The following ATG4D variants were observed in gnomAD, a reference collection of about 807,000 sequenced individuals.
ATG4D encodes the protein cysteine protease ATG4D.
Under a neutral mutation model 55.2 loss-of-function variants are expected in ATG4D, and 51 were observed. The observed-to-expected ratio is 0.92, with a 90% CI of 0.74 to 1.17. The LOEUF (loss-of-function observed/expected upper bound fraction) is 1.17. ATG4D is among the 50% of genes most tolerant of loss of function. ATG4D has a pLI of 0.00. For missense variants in ATG4D, 635 were observed against 649.6 expected, an observed-to-expected ratio of 0.98 and a Z score of 0.25; for synonymous variants, 268 against 266.2, an observed-to-expected ratio of 1.01 and a Z score of -0.07.
chr19:10,547,605 G>T (rs1326041210), intron 5 of ATG4D, among the ~76,000 whole-genome samples: 1 of 146,222 alleles, frequency 6.8e-6, no homozygotes, highest in Non-Finnish European at 1.5e-5. Context: ...TCCAGCCTGG[G>T]CGACAGAGTA....
rs148200963 is a variant in ATG4D, at chr19:10,552,103, G to A, written c.1104G>A (p.Gln368=). ...HYCQPTVDVS[Q]ADFPLESFHC... is the part of the protein sequence containing the mutation. ...GCCAGCCCACTGTGGATGTCAGCCA[G>A]GCCGACTTCCCCCTGGAGGTGAGTG... Residue 368 remains glutamine (Q), a synonymous_variant, in exon 8 of 10, where the codon CAG becomes CAA. Transcript: ENST00000309469. 1.2e-3 allele frequency: 1,934 copies of A among 1,611,556 alleles called. 32 individuals carry two copies. The East Asian group carries it at 0.036, about 30-fold the overall frequency.
At position 10,546,966 on chromosome 19, in the gene ATG4D, G is replaced by A; in HGVS notation, c.621G>A (p.Glu207=). ...PRWAQGAPEL[E]QERRHRQIVS... is the part of the protein sequence containing the mutation. The stretch of plus-strand genomic sequence containing the variant: ...GGGCCCAGGGTGCCCCTGAGCTGGA[G>A]CAGGAACGCCGGCACCGGCAGATTG... Residue 207 remains glutamate, a synonymous_variant, in exon 4 of 10, where the codon GAG becomes GAA. Transcript: ENST00000309469. The A allele has an allele frequency of 6.2e-7, 1 of 1,609,442 alleles. No homozygotes were observed. Among genetic ancestry groups the A allele is most frequent in the South Asian group, 1.1e-5 (1 of 90,674 alleles).
rs754810805 is a variant in ATG4D, at chr19:10,544,843, G to A, written c.296G>A (p.Arg99His). 3.7e-6 allele frequency: 6 copies of A among 1,612,472 alleles called. No homozygotes were observed. Among genetic ancestry groups the A allele is most frequent in the East Asian group, 4.5e-5 (2 of 44,878 alleles). ...ATCTCCAGCATCCACCTCTGTGGCC[G>A]CCGCTACCGTTTCGAGGGCGAGGGT... ...SKISSIHLCG[R>H]RYRFEGEGDI... is the part of the protein sequence containing the mutation. The change falls in exon 2 of 10, where the codon CGC (arginine) becomes CAC (histidine). Residue 99 changes from arginine to histidine, a missense_variant. Transcript: ENST00000309469.
chr19:10,547,283 G>A (rs761784934), intron 5 of ATG4D, 30 bp downstream of exon 5: 3 of 1,605,122 alleles, frequency 1.9e-6, no homozygotes, highest in Non-Finnish European at 1.7e-6. Context: ...GATCACAGGG[G>A]CCCCACCCTG....
In ATG4D at chr19:10,547,108, A is replaced by G. The variant is rs2057214776; in HGVS notation, c.763A>G (p.Ile255Val). ...GTATGGGCCATCGCTAGTGGCACAC[A>G]TCCTCAGGTGAGGGCTGCTGCAGGG... ...DWYGPSLVAHILRKAVESCSD... is the reference protein window; with the variant it reads ...DWYGPSLVAHVLRKAVESCSD... The change falls in exon 4 of 10, where the codon ATC (isoleucine) becomes GTC (valine). Residue 255 changes from isoleucine to valine, a missense_variant. Coordinates refer to ENST00000309469, the MANE Select transcript of ATG4D (RefSeq NM_032885.6). 5.6e-6 allele frequency: 9 copies of G among 1,605,312 alleles called. No individual in the cohort carries two copies. Among genetic ancestry groups the G allele is most frequent in the Non-Finnish European group, 6.8e-6 (8 of 1,175,982 alleles).
In ATG4D at chr19:10,551,914, G is replaced by C; in HGVS notation, c.984G>C (p.Glu328Asp). Residue 328 changes from glutamate to aspartate, a missense_variant, in exon 7 of 10, where the codon GAG (glutamate) becomes GAC (aspartate). Physicochemically the swap from Glu to Asp is conservative, Grantham distance 45. Transcript: ENST00000309469. Reference protein sequence around the residue: ...VPCVKELLRCELCLGIMGGKP... With the variant: ...VPCVKELLRCDLCLGIMGGKP... The stretch of plus-strand genomic sequence containing the variant: ...CCCTGCAGGAACTCCTGCGTTGCGA[G>C]CTGTGCCTGGGCATCATGGGTGGGA... The C allele has an allele frequency of 6.2e-7, 1 of 1,613,998 alleles. No individual in the cohort carries two copies. The highest frequency in any genetic ancestry group is 8.5e-7 in the Non-Finnish European group (1 of 1,180,014).
In ATG4D at chr19:10,553,008, C is replaced by A. The variant is rs766532088; in HGVS notation, c.1366C>A (p.Arg456Ser). Reference sequence around the variant, plus strand: ...CGCCCAGCCCACACTCCGGCTCCCTCGCACAGGGCGGCTCCTCAGGGCCAA... The same window carrying A: ...CGCCCAGCCCACACTCCGGCTCCCTAGCACAGGGCGGCTCCTCAGGGCCAA... ...QLAQPTLRLP[R>S]TGRLLRAKRP... The change falls in exon 10 of 10, where the codon CGC (arginine) becomes AGC (serine). Residue 456 changes from arginine (R) to serine (S), a missense_variant. Coordinates refer to ENST00000309469, the MANE Select transcript of ATG4D (RefSeq NM_032885.6). 3.1e-6 allele frequency: 5 copies of A among 1,612,824 alleles called. No individual in the cohort carries two copies. The highest frequency in any genetic ancestry group is 4.2e-6 in the Non-Finnish European group (5 of 1,179,974).
chr19:10,550,545 C>A (rs1916187796), intron 6 of ATG4D, among the ~76,000 whole-genome samples: 1 of 152,080 alleles, frequency 6.6e-6, no homozygotes, highest in African/African-American at 2.4e-5. Flanking sequence ...TCCACACCAC[C>A]TTCTTGATGT....
rs780524649 is a variant in ATG4D, at chr19:10,552,000, TCCCACCC to T, written c.1045+32_1046-32del. 11 of 1,124,544 alleles carry T rather than the reference TCCCACCC, an allele frequency of 9.8e-6. No homozygotes were observed. In the South Asian group the frequency reaches 1.5e-4, roughly 16 times the overall value. The allele number at this position is 1,124,544 out of a possible 1,614,324, so 69.7% of individuals were successfully genotyped here. A position where few individuals can be genotyped will look rare whatever the true frequency, so the allele number is the denominator to read the frequency against. The stretch of plus-strand genomic sequence containing the variant: ...GGTAGGCCCACCCCCTCCTCACTCC[TCCCACCC>T]CCCACCGCACCCCCACTCACACCTG... On this transcript the variant is annotated intron_variant, in intron 7 of 9. Coordinates refer to ENST00000309469, the MANE Select transcript of ATG4D (RefSeq NM_032885.6).
chr19:10,552,588 C>T (rs1424777186), intron 9 of ATG4D, among the ~76,000 whole-genome samples: 8 of 152,190 alleles, frequency 5.3e-5, no homozygotes, highest in Admixed American at 5.2e-4. Flanking sequence ...GCTGTCCGAC[C>T]AGGACTCTAC....
Position 10,544,801 on chromosome 19 carries a change from G to A in ATG4D, c.254G>A (p.Arg85Gln), listed in dbSNP as rs572564941. The stretch of plus-strand genomic sequence containing the variant: ...TCCCCAGGTTGGGTGGTTAAAAGCC[G>A]GACCAGCTTTAGCAAGATCTCCAGC... Reference protein sequence around the residue: ...NVKYGWVVKSRTSFSKISSIH... With the variant: ...NVKYGWVVKSQTSFSKISSIH... Residue 85 changes from arginine (R) to glutamine (Q), a missense_variant, in exon 2 of 10, where the codon CGG becomes CAG. Arg to Gln is a conservative substitution (Grantham distance 43). Transcript: ENST00000309469. The A allele has an allele frequency of 1.9e-6, 3 of 1,614,098 alleles. No homozygotes were observed. Among genetic ancestry groups the A allele is most frequent in the African/African-American group, 2.7e-5 (2 of 75,050 alleles).
chr19:10,544,711 G>A, intron 1 of ATG4D, 72 bp from the exon 2 acceptor site: 2 of 1,596,402 alleles, frequency 1.3e-6, no homozygotes, highest in Non-Finnish European at 1.7e-6. Flanking sequence ...TTTCACAGAT[G>A]GGGGAATGGA....
Position 10,552,991 on chromosome 19 carries a change from CCA to C in ATG4D, c.1353_1354del (p.Leu452ProfsTer17). The C allele has an allele frequency of 6.2e-7, 1 of 1,613,446 alleles. No individual in the cohort carries two copies. Among genetic ancestry groups the C allele is most frequent in the Non-Finnish European group, 8.5e-7 (1 of 1,180,010 alleles). On this transcript the variant is annotated frameshift_variant, in exon 10 of 10. Coordinates refer to ENST00000309469, the MANE Select transcript of ATG4D (RefSeq NM_032885.6). LOFTEE classifies it high-confidence loss of function. ...GACCTCTGCTCCCAGCTCGCCCAGC[CCA>C]CACTCCGGCTCCCTCGCACAGGGCG...
chr19:10,552,481 G>A (rs1003700029), intron 9 of ATG4D, among the ~76,000 whole-genome samples, 157 bp downstream of exon 9: 20 of 152,152 alleles, frequency 1.3e-4, no homozygotes, highest in African/African-American at 4.8e-4. Flanking sequence ...CCCCTGAAAA[G>A]GTGGGAACGC....
At chr19:10,548,538 G>C (rs1474235346) in intron 5 of ATG4D, among the ~76,000 whole-genome samples, 2 of 152,134 alleles carry the variant, frequency 1.3e-5, no homozygotes, top group African/African-American at 4.8e-5. Context: ...TTTAGGGGCT[G>C]AGTGCCCAGT....
Position 10,552,324 on chromosome 19 carries a change from G to A in ATG4D, c.1242G>A (p.Arg414=). 1 of 1,610,566 alleles carries A rather than the reference G, an allele frequency of 6.2e-7. No individual in the cohort carries two copies. Among genetic ancestry groups the A allele is most frequent in the Admixed American group, 1.7e-5 (1 of 59,958 alleles). Residue 414 remains arginine (R), a splice_region_variant and synonymous_variant, in exon 9 of 10, where the codon AGG becomes AGA. Transcript: ENST00000309469. ...EFETLCSELT[R]VLSSSSATER... is the part of the protein sequence containing the mutation. ...AGACACTCTGCTCAGAGCTGACCAG[G>A]GTGAGCAAGAGGAAAGCTGGAGTGG... is the stretch of plus-strand genomic sequence containing the variant.
In ATG4D at chr19:10,545,288, G is replaced by A. The variant is rs929397869; in HGVS notation, c.493+158G>A. On this transcript the variant is annotated intron_variant, in intron 3 of 9. Coordinates refer to ENST00000309469, the MANE Select transcript of ATG4D (RefSeq NM_032885.6). The stretch of plus-strand genomic sequence containing the variant: ...AGAGTTGTTTATAAGAGTTTCAGCC[G>A]GGGTTGGAAACGGTGGCTCATGCCT... Among the ~76,000 whole-genome samples, 11 of 152,186 alleles carry A rather than the reference G, an allele frequency of 7.2e-5. No homozygotes were observed. In the East Asian group the frequency reaches 7.7e-4, roughly 11 times the overall value.
At chr19:10,552,771 T>C (rs1916319976) in intron 9 of ATG4D, 114 bp from the exon 10 acceptor site, 3 of 1,143,452 alleles carry the variant, frequency 2.6e-6, no homozygotes, top group Non-Finnish European at 2.5e-6. Context: ...AAGGTGCTGA[T>C]TGGCTGCTCT....
At chr19:10,547,138 C>A in intron 4 of ATG4D, 23 bp downstream of exon 4, 2 of 1,610,010 alleles carry the variant, frequency 1.2e-6, no homozygotes, top group Non-Finnish European at 1.7e-6. Flanking sequence ...GCAGGGATCA[C>A]GGGAGTTGCT....
Sources: allele counts gnomAD v4.1 joint callset (sites outside exome capture counted in the v4.1 genomes callset), GRCh38; gene constraint gnomAD v4.1.1; transcripts MANE v1.5; gene names NCBI Gene and HGNC (gene_info 2026-07-23, HGNC 2026-07-21).